PCDH11Y: variants seen among roughly 807,000 people sequenced by gnomAD.
The protein encoded by PCDH11Y is protocadherin-11 Y-linked.
For synonymous variants in PCDH11Y, 9 were observed against 83.6 expected, an observed-to-expected ratio of 0.11 and a Z score of 4.87; for missense variants, 12 against 224.8, an observed-to-expected ratio of 0.05 and a Z score of 6.05.
chrY:5,717,219 T>C (rs878927246), intron 4 of PCDH11Y, among the ~76,000 whole-genome samples: 36 of 32,702 alleles, frequency 1.1e-3, no homozygotes, highest in African/African-American at 3.9e-3. Context: ...GAACAGGCAA[T>C]GAAAGCAAAA....
chrY:5,271,656 C>A (rs2053037045), intron 2 of PCDH11Y, among the ~76,000 whole-genome samples: 1 of 34,312 alleles, frequency 2.9e-5, no homozygotes, highest in Non-Finnish European at 7.5e-5. Context: ...GGTTTATTTT[C>A]TCTTCTTTAG....
intron 2 of PCDH11Y, among the ~76,000 whole-genome samples, chrY:5,332,468 A>G: frequency 2.9e-5 from 1 of 34,046 alleles, no homozygotes; most frequent in African/African-American, 1.1e-4. Context: ...TATCAGTGCT[A>G]TTTGATAGTT....
chrY:5,208,467 A>G (rs2124650682), intron 2 of PCDH11Y, among the ~76,000 whole-genome samples: 1 of 33,729 alleles, frequency 3.0e-5, no homozygotes, highest in South Asian at 6.5e-4. Flanking sequence ...TATTTATTAT[A>G]TATGTAGACT....
intron 2 of PCDH11Y, among the ~76,000 whole-genome samples, chrY:5,193,605 C>T: frequency 9.1e-5 from 3 of 32,810 alleles, no homozygotes; most frequent in African/African-American, 3.6e-4. Flanking sequence ...TTAGAAAGTC[C>T]GAAATCTTAC....
intron 4 of PCDH11Y, among the ~76,000 whole-genome samples, chrY:5,708,555 G>A: frequency 3.0e-5 from 1 of 33,223 alleles, no homozygotes; most frequent in Non-Finnish European, 7.4e-5. Flanking sequence ...GTTTATGCAA[G>A]TACTGTTAAG....
intron 3 of PCDH11Y, among the ~76,000 whole-genome samples, chrY:5,535,325 G>A: frequency 3.4e-5 from 1 of 29,524 alleles, no homozygotes; most frequent in Non-Finnish European, 8.0e-5. Context: ...TGAGATTTTG[G>A]TACACACATC....
At chrY:5,519,306 C>T (rs2053377120) in intron 3 of PCDH11Y, among the ~76,000 whole-genome samples, 6 of 28,592 alleles carry the variant, frequency 2.1e-4, no homozygotes, top group Admixed American at 2.0e-3. Flanking sequence ...AGGAGAATGG[C>T]GTGAACCCAG....
At chrY:5,481,661 A>C (rs2124685836) in intron 2 of PCDH11Y, among the ~76,000 whole-genome samples, 3 of 32,467 alleles carry the variant, frequency 9.2e-5, no homozygotes, top group Admixed American at 2.8e-4. Context: ...ATATTTTCTA[A>C]TGTGATTTTT....
chrY:5,008,893 T>A (rs2052543328), intron 1 of PCDH11Y, among the ~76,000 whole-genome samples: 1 of 32,303 alleles, frequency 3.1e-5, no homozygotes, highest in Non-Finnish European at 7.6e-5. Flanking sequence ...TAAATTGAAT[T>A]CAACAAATAT....
chrY:5,513,187 C>T, intron 3 of PCDH11Y, among the ~76,000 whole-genome samples: 1 of 31,568 alleles, frequency 3.2e-5, no homozygotes, highest in African/African-American at 1.2e-4. Flanking sequence ...CTGGCCACCA[C>T]GCCCGGCTAA....
In PCDH11Y at chrY:5,174,120, G is replaced by GAT. The variant is rs2052890011; in HGVS notation, c.3129+73423_3129+73424dup. Among the ~76,000 whole-genome samples, 9 of 16,597 alleles carry GAT rather than the reference G, an allele frequency of 5.4e-4. No homozygotes were observed. The East Asian group carries it at 0.013, about 24-fold the overall frequency. The allele number at this position is 16,597 out of a possible 37,273, so 44.5% of individuals were successfully genotyped here. On this transcript the variant is annotated intron_variant, in intron 2 of 4. Transcript: ENST00000400457. The stretch of plus-strand genomic sequence containing the variant: ...ATGTGGTATATATATATATAAATGT[G>GAT]ATATATATATACAAATGTGATATAT...
At chrY:5,558,951 G>A in intron 3 of PCDH11Y, among the ~76,000 whole-genome samples, 5 of 32,248 alleles carry the variant, frequency 1.6e-4, no homozygotes, top group African/African-American at 6.0e-4. Context: ...TTTCTAGTAA[G>A]ATACACTGCT....
At chrY:5,174,729 A>G (rs2052891167) in intron 2 of PCDH11Y, among the ~76,000 whole-genome samples, 20 of 33,023 alleles carry the variant, frequency 6.1e-4, no homozygotes. Context: ...GTGTACTTAT[A>G]TTGTAAAACA....
chrY:5,626,000 G>A (rs1602953665), intron 4 of PCDH11Y, among the ~76,000 whole-genome samples: 3 of 30,826 alleles, frequency 9.7e-5, no homozygotes, highest in Admixed American at 9.1e-4. Context: ...TTCTCTATAC[G>A]TATGTTATAA....
chrY:5,426,574 A>C, intron 2 of PCDH11Y, among the ~76,000 whole-genome samples: 1 of 33,046 alleles, frequency 3.0e-5, no homozygotes, highest in African/African-American at 1.2e-4. Context: ...TTTAGTATGT[A>C]GTATGAAAAA....
intron 2 of PCDH11Y, among the ~76,000 whole-genome samples, chrY:5,209,470 G>T (rs2052936097): frequency 3.1e-5 from 1 of 32,590 alleles, no homozygotes. Context: ...TAAGACCTTA[G>T]CCTTGTGCCT....
At chrY:5,130,218 C>T in intron 2 of PCDH11Y, among the ~76,000 whole-genome samples, 4 of 33,150 alleles carry the variant, frequency 1.2e-4, no homozygotes, top group Non-Finnish European at 2.2e-4. Context: ...GCAATTGCTA[C>T]GGAAGCAAAA....
At chrY:5,371,853 G>A in intron 2 of PCDH11Y, among the ~76,000 whole-genome samples, 2 of 32,641 alleles carry the variant, frequency 6.1e-5, no homozygotes, top group African/African-American at 2.4e-4. Flanking sequence ...AGCCGAGATC[G>A]CACCACTGCA....
chrY:5,389,915 A>T, intron 2 of PCDH11Y, among the ~76,000 whole-genome samples: 1 of 29,804 alleles, frequency 3.4e-5, no homozygotes, highest in Non-Finnish European at 7.9e-5. Context: ...ACTAATACAT[A>T]CAGTATGCTG....
Sources: gnomAD v4.1 joint callset for allele counts (sites outside exome capture counted in the v4.1 genomes callset) on GRCh38, gnomAD v4.1.1 for gene constraint, MANE v1.5 for transcripts, NCBI Gene and HGNC (gene_info 2026-07-23, HGNC 2026-07-21) for gene names.